MYO5A: variants seen among roughly 807,000 people sequenced by gnomAD.
MYO5A encodes myosin VA.
Under a neutral mutation model 249.7 loss-of-function variants are expected in MYO5A, and 98 were observed. The ratio of observed to expected loss-of-function variants is 0.39; its 90% CI spans 0.33 to 0.46. The LOEUF is 0.46. Among genes scored for constraint, MYO5A ranks in the 20% least tolerant of loss-of-function variants. The pLI is 0.98. For synonymous variants in MYO5A, 778 were observed against 810.6 expected, an observed-to-expected ratio of 0.96 and a Z score of 0.68; for missense variants, 1,696 against 2,308.8, an observed-to-expected ratio of 0.73 and a Z score of 5.44.
chr15:52,359,150 G>T (rs764398734), intron 25 of MYO5A, among the ~76,000 whole-genome samples: 1 of 152,166 alleles, frequency 6.6e-6, no homozygotes, highest in African/African-American at 2.4e-5. Flanking sequence ...TGAGATGGCA[G>T]AAACTTCATT....
Position 52,372,229 on chromosome 15 carries a change from C to T in MYO5A, c.2712G>A (p.Glu904=). Residue 904 remains glutamate, a synonymous_variant, in exon 21 of 42, where the codon GAG becomes GAA. Coordinates refer to ENST00000399233, the MANE Select transcript of MYO5A (RefSeq NM_001382347.1). ...GAGCCTCGATTTTGAGCTTCTTTAGCTCACGCTTGGCCATCATCCGCCTGA... is the reference window on the plus strand; with the variant it reads ...GAGCCTCGATTTTGAGCTTCTTTAGTTCACGCTTGGCCATCATCCGCCTGA... ...CCFRRMMAKR[E]LKKLKIEARS... is the part of the protein sequence containing the mutation. 1 of 1,613,398 alleles carries T rather than the reference C, an allele frequency of 6.2e-7. No homozygotes were observed. The highest frequency in any genetic ancestry group is 8.5e-7 in the Non-Finnish European group (1 of 1,180,028).
intron 38 of MYO5A, among the ~76,000 whole-genome samples, chr15:52,320,840 C>T (rs983357621): frequency 3.3e-5 from 5 of 152,112 alleles, no homozygotes; most frequent in South Asian, 2.1e-4. Flanking sequence ...GGTGAAACCC[C>T]GTCTCTACTA....
In MYO5A at chr15:52,408,182, A is replaced by C. The variant is rs181924873; in HGVS notation, c.757-42T>G. ...GTTTTCAATTACAGCATTTTAATCT[A>C]AAATTCAGGGAATTCTATCATAAAA... On this transcript the variant is annotated intron_variant, in intron 6 of 41. Transcript: ENST00000399233. 253 of 1,131,346 alleles carry C rather than the reference A, an allele frequency of 2.2e-4. 4 individuals carry two copies. The Admixed American group carries it at 4.3e-3, about 19-fold the overall frequency. The allele number at this position is 1,131,346 out of a possible 1,614,324, so 70.1% of individuals were successfully genotyped here.
At chr15:52,485,156 C>A (rs2076791495) in intron 1 of MYO5A, among the ~76,000 whole-genome samples, 1 of 150,550 alleles carries the variant, frequency 6.6e-6, no homozygotes, top group Non-Finnish European at 1.5e-5. Context: ...CATTTCTAAA[C>A]AATTTTCAAC....
In MYO5A at chr15:52,468,511, T is replaced by A. The variant is rs200498045; in HGVS notation, c.28-35226A>T. On this transcript the variant is annotated intron_variant, in intron 1 of 41. Coordinates refer to ENST00000399233, the MANE Select transcript of MYO5A (RefSeq NM_001382347.1). ...CGTCTCTACAAAAATGTAAAAAAAA[T>A]TTTTTTTAATTAGCTGGGTGTGGTG... Among the ~76,000 whole-genome samples, 81 of 151,454 alleles carry A rather than the reference T, an allele frequency of 5.3e-4. No homozygotes were observed. In the East Asian group the frequency reaches 9.5e-3, roughly 18 times the overall value.
At chr15:52,344,107 A>G (rs1212390724) in intron 30 of MYO5A, among the ~76,000 whole-genome samples, 2 of 152,182 alleles carry the variant, frequency 1.3e-5, no homozygotes, top group Non-Finnish European at 2.9e-5. Context: ...TACTCCTGCT[A>G]TATTGTTGTT....
intron 1 of MYO5A, among the ~76,000 whole-genome samples, chr15:52,486,749 C>T (rs533158567): frequency 6.6e-6 from 1 of 152,260 alleles, no homozygotes; most frequent in Non-Finnish European, 1.5e-5. Flanking sequence ...TGTTGCTTCA[C>T]TAAAGGCAAA....
chr15:52,441,582 G>A (rs2075787407), intron 1 of MYO5A, among the ~76,000 whole-genome samples: 2 of 152,318 alleles, frequency 1.3e-5, no homozygotes, highest in South Asian at 4.1e-4. Flanking sequence ...AGCCTTTGCT[G>A]TAGCTGTTTC....
intron 1 of MYO5A, among the ~76,000 whole-genome samples, chr15:52,441,179 G>A (rs893867044): frequency 1.3e-5 from 2 of 152,014 alleles, no homozygotes; most frequent in Admixed American, 1.3e-4. Flanking sequence ...TATTCTAAAA[G>A]CACATGATGA....
At chr15:52,504,053 T>C (rs7162315) in intron 1 of MYO5A, among the ~76,000 whole-genome samples, 2 of 48,978 alleles carry the variant, frequency 4.1e-5, no homozygotes, top group African/African-American at 1.3e-4. Flanking sequence ...TGTTTCTCCT[T>C]CTTTTTTTTT....
intron 25 of MYO5A, among the ~76,000 whole-genome samples, chr15:52,356,811 T>TA (rs202162628): frequency 6.7e-6 from 1 of 148,174 alleles, no homozygotes; most frequent in Non-Finnish European, 1.5e-5. Context: ...TTTTTTTTTT[T>TA]TTTTTTTATT....
chr15:52,343,146 C>T lies in MYO5A; in HGVS notation c.4011G>A (p.Leu1337=), dbSNP rs147582503. 4.3e-5 allele frequency: 69 copies of T among 1,613,710 alleles called. 1 individual carries two copies. The African/African-American group carries it at 8.7e-4, about 20-fold the overall frequency. The part of the protein sequence containing the change: ...HELNEDGELW[L]VYEGLKQANR... ...TGGCTTGTTTTAACCCTTCATAAAC[C>T]AGCCACAGCTCTCCATCCTCATTCA... The change falls in exon 31 of 42, where the codon CTG becomes CTA. Residue 1337 remains leucine, a synonymous_variant. Transcript: ENST00000399233.
rs866341471 is a variant in MYO5A at position 52,408,845 on chromosome 15, T to G, written c.757-705A>C. On this transcript the variant is annotated intron_variant, in intron 6 of 41. Transcript: ENST00000399233. ...CGTATTAATAAGGCCAAGGTCAGGT[T>G]TGATGCCCACAGGGGGCTGATGTCT... 2.6e-5 allele frequency among the ~76,000 whole-genome samples: 4 copies of G among 152,312 alleles called. No homozygotes were observed. The South Asian group carries it at 6.2e-4, about 24-fold the overall frequency.
chr15:52,438,513 A>G (rs2075715557), intron 1 of MYO5A, among the ~76,000 whole-genome samples: 1 of 152,174 alleles, frequency 6.6e-6, no homozygotes, highest in African/African-American at 2.4e-5. Context: ...GACTAGCTGG[A>G]TTTCCTAGGC....
chr15:52,367,516 A>C (rs1312337381), intron 22 of MYO5A, among the ~76,000 whole-genome samples: 1 of 152,190 alleles, frequency 6.6e-6, no homozygotes, highest in Admixed American at 6.5e-5. Context: ...ATTGCCTGGC[A>C]CTAAGTCAGC....
intron 1 of MYO5A, among the ~76,000 whole-genome samples, chr15:52,511,816 C>T (rs1407113066): frequency 6.6e-6 from 1 of 152,068 alleles, no homozygotes; most frequent in Non-Finnish European, 1.5e-5. Flanking sequence ...TTCCTGAGTT[C>T]TTTGATATTT....
In MYO5A at chr15:52,396,362, A is replaced by G; in HGVS notation, c.1355T>C (p.Phe452Ser). 1 of 1,568,686 alleles carries G rather than the reference A, an allele frequency of 6.4e-7. No homozygotes were observed. Among genetic ancestry groups the G allele is most frequent in the South Asian group, 1.1e-5 (1 of 88,820 alleles). ...ETFEINSFEQ[F>S]CINYANEKLQ... ...TTTTTCATTTGCATAATTTATGCAA[A>G]ACTGTTCAAAACTATTTATCTCAAA... Residue 452 changes from phenylalanine (F) to serine (S), a missense_variant, in exon 11 of 42, where the codon TTT becomes TCT. Phe to Ser is a radical substitution (Grantham distance 155). Coordinates refer to ENST00000399233, the MANE Select transcript of MYO5A (RefSeq NM_001382347.1).
intron 1 of MYO5A, among the ~76,000 whole-genome samples, chr15:52,474,859 G>A (rs1487872805): frequency 1.1e-4 from 16 of 152,032 alleles, no homozygotes; most frequent in Non-Finnish European, 1.5e-5. Context: ...TTTTTTTGTT[G>A]TGTCTCTGCC....
At chr15:52,456,826 G>A (rs952665840) in intron 1 of MYO5A, among the ~76,000 whole-genome samples, 1 of 152,062 alleles carries the variant, frequency 6.6e-6, no homozygotes, top group Non-Finnish European at 1.5e-5. Context: ...ACATCAAAAT[G>A]GATTAAAGGC....
Sources: gnomAD v4.1 joint callset for allele counts (sites outside exome capture counted in the v4.1 genomes callset) on GRCh38, gnomAD v4.1.1 for gene constraint, MANE v1.5 for transcripts, NCBI Gene and HGNC (gene_info 2026-07-23, HGNC 2026-07-21) for gene names.